UTRN: variants seen among roughly 807,000 people sequenced by gnomAD.
UTRN encodes dystrophin-related protein 1.
Under a neutral mutation model 463.9 loss-of-function variants are expected in UTRN, and 283 were observed. That is an observed-to-expected ratio of 0.61 (90% CI 0.55 to 0.67). The LOEUF is 0.67. UTRN is among the 30% of genes least tolerant of loss of function. The probability of loss-of-function intolerance (pLI) is 0.00; values close to 1 mark genes in which losing one functional copy is unlikely to be tolerated. For synonymous variants in UTRN, 1,442 were observed against 1,431.5 expected, an observed-to-expected ratio of 1.01 and a Z score of -0.17; for missense variants, 3,922 against 4,084.3, an observed-to-expected ratio of 0.96 and a Z score of 1.08.
intron 51 of UTRN, among the ~76,000 whole-genome samples, chr6:144,635,377 T>G (rs1777012314): frequency 6.6e-6 from 1 of 151,922 alleles, no homozygotes; most frequent in Non-Finnish European, 1.5e-5. Context: ...TCTCCAACTC[T>G]GAGGCTTCAG....
intron 51 of UTRN, among the ~76,000 whole-genome samples, chr6:144,631,916 G>A (rs1163797098): frequency 6.6e-6 from 1 of 152,140 alleles, no homozygotes; most frequent in Non-Finnish European, 1.5e-5. Flanking sequence ...AAGAAATTCT[G>A]ACCTTTTCTG....
At chr6:144,496,442 C>T (rs929574772) in intron 33 of UTRN, among the ~76,000 whole-genome samples, 6 of 152,138 alleles carry the variant, frequency 3.9e-5, no homozygotes, top group African/African-American at 1.2e-4. Flanking sequence ...TGGAATTATA[C>T]AGCTGGTTAT....
rs749005552 is a variant in UTRN, at chr6:144,510,921, G to A, written c.4765-23G>A. 9 of 1,533,572 alleles carry A rather than the reference G, an allele frequency of 5.9e-6. No homozygotes were observed. The South Asian group carries it at 1.1e-4, about 19-fold the overall frequency. The allele number at this position is 1,533,572 out of a possible 1,614,324, so 95.0% of individuals were successfully genotyped here. A position where few individuals can be genotyped will look rare whatever the true frequency, so the allele number is the denominator to read the frequency against. ...TATAATATTCTGAAGCATCAAGTAG[G>A]TCTTGGTGTTTTTATTTTCTAGAAT... On this transcript the variant is annotated intron_variant, in intron 34 of 74. Coordinates refer to ENST00000367545, the MANE Select transcript of UTRN (RefSeq NM_007124.3).
intron 2 of UTRN, among the ~76,000 whole-genome samples, chr6:144,353,717 A>T (rs994952190): frequency 1.3e-5 from 2 of 152,212 alleles, no homozygotes; most frequent in Middle Eastern, 3.4e-3. Context: ...TGTGGTGGTG[A>T]GTGCCTGTAA....
At chr6:144,795,606 A>G (rs1238272949) in intron 63 of UTRN, among the ~76,000 whole-genome samples, 3 of 152,048 alleles carry the variant, frequency 2.0e-5, no homozygotes, top group Non-Finnish European at 4.4e-5. Context: ...TTTGATTTGC[A>G]TTTCTCTAAT....
intron 65 of UTRN, among the ~76,000 whole-genome samples, chr6:144,809,665 G>C (rs993867333): frequency 6.6e-5 from 10 of 152,034 alleles, no homozygotes; most frequent in African/African-American, 2.4e-4. Context: ...GACTGAAGTG[G>C]GACATAGAAG....
chr6:144,324,892 A>G lies in UTRN; in HGVS notation c.79+32985A>G, dbSNP rs537967413. Among the ~76,000 whole-genome samples the G allele has an allele frequency of 2.0e-5, 3 of 152,290 alleles. No homozygotes were observed. In the South Asian group the frequency reaches 6.2e-4, roughly 32 times the overall value. Reference sequence around the variant, plus strand: ...AGCCCTCTGATTGAAAGTTGCCAGGATTGTTTGAGGTTGGTTCAGGGGAAA... The same window carrying G: ...AGCCCTCTGATTGAAAGTTGCCAGGGTTGTTTGAGGTTGGTTCAGGGGAAA... On this transcript the variant is annotated intron_variant, in intron 2 of 74. Transcript: ENST00000367545.
chr6:144,309,520 A>G (rs970660010), intron 2 of UTRN, among the ~76,000 whole-genome samples: 1 of 152,168 alleles, frequency 6.6e-6, no homozygotes, highest in Non-Finnish European at 1.5e-5. Flanking sequence ...TTTCTCGTAT[A>G]CCCACATCCA....
chr6:144,842,714 C>T (rs1781692544), intron 73 of UTRN, among the ~76,000 whole-genome samples: 1 of 152,050 alleles, frequency 6.6e-6, no homozygotes, highest in African/African-American at 2.4e-5. Context: ...TGTGTTTTGC[C>T]AGTGTTTCCC....
chr6:144,575,186 T>C (rs2128623850), intron 50 of UTRN, among the ~76,000 whole-genome samples: 1 of 152,326 alleles, frequency 6.6e-6, no homozygotes. Flanking sequence ...TCTTCTATGG[T>C]AACGTATAGG....
intron 51 of UTRN, among the ~76,000 whole-genome samples, chr6:144,635,602 C>T (rs960348369): frequency 7.0e-5 from 9 of 128,406 alleles, no homozygotes; most frequent in South Asian, 2.5e-4. Context: ...TGCAGTGACA[C>T]GATATCAGCT....
chr6:144,717,091 A>G (rs1786547133), intron 53 of UTRN, among the ~76,000 whole-genome samples: 3 of 152,378 alleles, frequency 2.0e-5, no homozygotes, highest in South Asian at 2.1e-4. Context: ...CAAATGATCA[A>G]ACCAATTTTT....
At chr6:144,321,635 A>C (rs557414171) in intron 2 of UTRN, among the ~76,000 whole-genome samples, 37 of 149,390 alleles carry the variant, frequency 2.5e-4, no homozygotes, top group African/African-American at 8.8e-4. Flanking sequence ...ATGCCCGGCT[A>C]ATTTTTGTAT....
At chr6:144,493,511 ATC>A (rs144902799) in intron 33 of UTRN, 55 bp downstream of exon 33, 13,337 of 1,272,630 alleles carry the variant, frequency 0.01, no homozygotes, top group South Asian at 0.02. Context: ...CTCTCTCTCA[ATC>A]TCTCTCTCTC....
chr6:144,638,887 A>G (rs755226857), intron 51 of UTRN, among the ~76,000 whole-genome samples: 4 of 152,004 alleles, frequency 2.6e-5, no homozygotes, highest in Non-Finnish European at 5.9e-5. Context: ...AGCATGAGCA[A>G]CATAACGAGA....
chr6:144,644,156 C>G (rs971553613), intron 51 of UTRN, among the ~76,000 whole-genome samples: 4 of 152,084 alleles, frequency 2.6e-5, no homozygotes, highest in African/African-American at 9.7e-5. Flanking sequence ...TATGTAGAAA[C>G]CTTATGCACA....
At chr6:144,393,244 A>G (rs1782100385) in intron 2 of UTRN, among the ~76,000 whole-genome samples, 1 of 152,194 alleles carries the variant, frequency 6.6e-6, no homozygotes, top group South Asian at 2.1e-4. Flanking sequence ...GGCATTTTCT[A>G]TTAATTGAAT....
intron 27 of UTRN, among the ~76,000 whole-genome samples, chr6:144,482,940 C>T (rs140264441): frequency 6.6e-6 from 1 of 151,782 alleles, no homozygotes; most frequent in East Asian, 1.9e-4. Flanking sequence ...GTAGATGAGT[C>T]TATGAAATTT....
At chr6:144,417,164 A>G (rs766736096) in intron 3 of UTRN, among the ~76,000 whole-genome samples, 36 of 152,194 alleles carry the variant, frequency 2.4e-4, no homozygotes, top group Non-Finnish European at 4.6e-4. Context: ...AATGTAGTAT[A>G]TATCTTGTTG....
Sources: allele counts gnomAD v4.1 joint callset (sites outside exome capture counted in the v4.1 genomes callset), GRCh38; gene constraint gnomAD v4.1.1; transcripts MANE v1.5; gene names NCBI Gene and HGNC (gene_info 2026-07-23, HGNC 2026-07-21).